The following ABCA9 variants were observed in gnomAD, a reference collection of about 807,000 sequenced individuals.
ABCA9 encodes ATP-binding cassette sub-family A member 9.
In ABCA9, 183 loss-of-function variants were observed where a neutral mutation model predicts 205.3. The observed-to-expected ratio is 0.89, with a 90% CI of 0.79 to 1.01. The LOEUF (loss-of-function observed/expected upper bound fraction) is 1.01, where lower values mean the gene tolerates loss of function less well. Among genes scored for constraint, ABCA9 ranks in the 50% least tolerant of loss-of-function variants. The probability of loss-of-function intolerance (pLI) is 0.00; values close to 1 mark genes in which losing one functional copy is unlikely to be tolerated. For missense variants in ABCA9, 1,805 were observed against 1,912.4 expected, an observed-to-expected ratio of 0.94 and a Z score of 1.05; for synonymous variants, 651 against 683.3, an observed-to-expected ratio of 0.95 and a Z score of 0.74.
chr17:68,984,276 G>A lies in ABCA9; in HGVS notation c.4380-101C>T, dbSNP rs532463754. 12 of 1,513,938 alleles carry A rather than the reference G, an allele frequency of 7.9e-6. 1 individual carries two copies. The East Asian group carries it at 9.0e-5, about 11-fold the overall frequency. The allele number at this position is 1,513,938 out of a possible 1,614,324, so 93.8% of individuals were successfully genotyped here. ...TCGACGCAAAGATGAAACATGCAGC[G>A]AATTCAGACTAGACAAAAAAGGGGT... On this transcript the variant is annotated intron_variant, in intron 34 of 38. Transcript: ENST00000340001.
In ABCA9 at chr17:69,008,118, C is replaced by T. The variant is rs1163228381; in HGVS notation, c.3265G>A (p.Asp1089Asn). 1 of 1,612,964 alleles carries T rather than the reference C, an allele frequency of 6.2e-7. No homozygotes were observed. The highest frequency in any genetic ancestry group is 1.7e-5 in the Admixed American group (1 of 60,010). ...FLILLLMQIM[D>N]YIFSPEEIIF... is the part of the protein sequence containing the mutation. ...ATCTCCTCTGGGCTAAAAATATAAT[C>T]CATTATTTGCATTAGCAGGAGGATC... The change falls in exon 24 of 39, where the codon GAT becomes AAT. Residue 1089 changes from aspartate to asparagine, a missense_variant. Physicochemically the swap from Asp to Asn is conservative, Grantham distance 23 (BLOSUM62 1). Transcript: ENST00000340001.
In ABCA9 at chr17:69,051,137, T is replaced by C; in HGVS notation, c.-11A>G. On this transcript the variant is annotated splice_region_variant and 5_prime_UTR_variant, in exon 2 of 39. Transcript: ENST00000340001. Reference sequence around the variant, plus strand: ...GCGTCTCTTGCTCATTTTGACCTGTTTCCTTTAAAAAGACAGAAAAAAAAT... The same window carrying C: ...GCGTCTCTTGCTCATTTTGACCTGTCTCCTTTAAAAAGACAGAAAAAAAAT... 1 of 1,612,886 alleles carries C rather than the reference T, an allele frequency of 6.2e-7. No individual in the cohort carries two copies. The highest frequency in any genetic ancestry group is 8.5e-7 in the Non-Finnish European group (1 of 1,179,446).
chr17:68,993,290 A>G (rs1349609073), intron 26 of ABCA9, among the ~76,000 whole-genome samples: 1 of 152,184 alleles, frequency 6.6e-6, no homozygotes. Flanking sequence ...ATGCCTTTGT[A>G]TGTAACACTG....
chr17:69,001,852 G>A (rs1360211617), intron 25 of ABCA9, among the ~76,000 whole-genome samples: 2 of 152,034 alleles, frequency 1.3e-5, no homozygotes, highest in Non-Finnish European at 2.9e-5. Flanking sequence ...TTGGGAGAGT[G>A]TATGTGTCAA....
At chr17:69,061,518 A>T (rs1280791516), upstream of ABCA9, among the ~76,000 whole-genome samples, 1 of 152,178 alleles carries the variant, frequency 6.6e-6, no homozygotes, top group Non-Finnish European at 1.5e-5. Flanking sequence ...CATTGTGTGC[A>T]TACTAATTGT....
In ABCA9 at chr17:68,986,369, G is replaced by A. The variant is rs368253334; in HGVS notation, c.4048-45C>T. ...TCTTAGATTCTATCCCAAATGTCAC[G>A]TATATGTATATGCATGTAAGCCGTA... is the stretch of plus-strand genomic sequence containing the variant. On this transcript the variant is annotated intron_variant, in intron 31 of 38. Coordinates refer to ENST00000340001, the MANE Select transcript of ABCA9 (RefSeq NM_080283.4). 86 of 1,547,136 alleles carry A rather than the reference G, an allele frequency of 5.6e-5. 1 individual carries two copies. The highest frequency in any genetic ancestry group is 5.5e-5 in the Admixed American group (3 of 54,470).
intron 29 of ABCA9, among the ~76,000 whole-genome samples, chr17:68,990,262 G>A (rs1443998315): frequency 6.6e-6 from 1 of 152,144 alleles, no homozygotes; most frequent in African/African-American, 2.4e-5. Flanking sequence ...CTTGCAGTAA[G>A]CTTCACTTTG....
chr17:68,977,755 A>C (rs572189970), intron 37 of ABCA9, among the ~76,000 whole-genome samples: 46 of 152,376 alleles, frequency 3.0e-4, no homozygotes, highest in African/African-American at 1.1e-3. Flanking sequence ...AACAGTGTCC[A>C]AGAACATTTG....
At chr17:69,012,343 T>G (rs2070410377) in intron 22 of ABCA9, 1 of 339,728 alleles carries the variant, frequency 2.9e-6, no homozygotes, top group Non-Finnish European at 5.3e-6. Flanking sequence ...ATACAGTTAA[T>G]AACTTGTAAG....
At chr17:69,021,158 A>G (rs1306259007) in intron 18 of ABCA9, among the ~76,000 whole-genome samples, 1 of 152,124 alleles carries the variant, frequency 6.6e-6, no homozygotes, top group African/African-American at 2.4e-5. Context: ...TCAAAAATGA[A>G]TAAGAGAGGA....
Position 69,016,119 on chromosome 17 carries a change from T to TACAC in ABCA9, c.3039+133_3039+134insGTGT, listed in dbSNP as rs1485760537. 1.3e-3 allele frequency: 291 copies of TACAC among 230,812 alleles called. 1 individual carries two copies. The highest frequency in any genetic ancestry group is 6.5e-3 in the African/African-American group (258 of 39,732). 14.3% of individuals were successfully genotyped at this position (230,812 alleles called of 1,614,324 possible). A position where few individuals can be genotyped will look rare whatever the true frequency, so the allele number is the denominator to read the frequency against. On this transcript the variant is annotated intron_variant, in intron 22 of 38. Transcript: ENST00000340001. ...GTGTGTGTGTATATATATATATATA[T>TACAC]ATATACACACACACACACACACACA...
At position 69,035,673 on chromosome 17, in the gene ABCA9, T is replaced by C; in HGVS notation, c.929A>G (p.Tyr310Cys). The change falls in exon 7 of 39, where the codon TAT becomes TGT. Residue 310 changes from tyrosine to cysteine, a missense_variant. Physicochemically the swap from Tyr to Cys is radical, Grantham distance 194. Transcript: ENST00000340001. Reference sequence around the variant, plus strand: ...TAACCAACTCACCAAAGACAGGCCATAGAGGAGAAAGAGGGTGAAGACCAT... The same window carrying C: ...TAACCAACTCACCAAAGACAGGCCACAGAGGAGAAAGAGGGTGAAGACCAT... The part of the protein sequence containing the change: ...FVMVFTLFLL[Y>C]GLSLITLAFL... The C allele has an allele frequency of 1.9e-6, 3 of 1,613,146 alleles. No homozygotes were observed. The highest frequency in any genetic ancestry group is 1.7e-4 in the Middle Eastern group (1 of 6,058).
At chr17:69,073,836 A>G in the ABCA9 span, among the ~76,000 whole-genome samples, 2 of 152,058 alleles carry the variant, frequency 1.3e-5, no homozygotes, top group Admixed American at 1.3e-4. Flanking sequence ...AGCTTGGACC[A>G]CAAGCACATA....
chr17:69,049,276 A>T lies in ABCA9; in HGVS notation c.304+7T>A. On this transcript the variant is annotated splice_region_variant and intron_variant, in intron 3 of 38. Transcript: ENST00000340001. Reference sequence around the variant, plus strand: ...AGGAAATTACTATGAACAACCAGGGAACATACCTTTTAGGAATGGGGCTGA... The same window carrying T: ...AGGAAATTACTATGAACAACCAGGGTACATACCTTTTAGGAATGGGGCTGA... The T allele has an allele frequency of 6.2e-7, 1 of 1,603,794 alleles. No individual in the cohort carries two copies. Among genetic ancestry groups the T allele is most frequent in the Middle Eastern group, 1.7e-4 (1 of 6,028 alleles).
intron 37 of ABCA9, among the ~76,000 whole-genome samples, chr17:68,978,899 C>T (rs1206610090): frequency 6.6e-6 from 1 of 152,058 alleles, no homozygotes; most frequent in African/African-American, 2.4e-5. Context: ...CCCTCTCTCA[C>T]CACTCCTATT....
intron 12 of ABCA9, 77 bp downstream of exon 12, chr17:69,028,457 GC>G: frequency 9.9e-7 from 1 of 1,012,274 alleles, no homozygotes; most frequent in Non-Finnish European, 1.4e-6. Flanking sequence ...GAGCCACCGT[GC>G]CCAGCCCCAG....
At chr17:69,044,074 C>A (rs1598407351) in intron 5 of ABCA9, among the ~76,000 whole-genome samples, 1 of 152,110 alleles carries the variant, frequency 6.6e-6, no homozygotes, top group African/African-American at 2.4e-5. Flanking sequence ...GGTCTGTAAT[C>A]CCAGCTACTT....
At chr17:69,002,895 C>A (rs1389205508) in intron 25 of ABCA9, among the ~76,000 whole-genome samples, 13 of 142,880 alleles carry the variant, frequency 9.1e-5, no homozygotes, top group African/African-American at 3.5e-4. Context: ...CTCTTTTGAT[C>A]TTTGTTGGTT....
the ABCA9 span, among the ~76,000 whole-genome samples, chr17:69,072,007 T>A: frequency 1.3e-4 from 19 of 151,918 alleles, no homozygotes; most frequent in African/African-American, 4.6e-4. Flanking sequence ...AGATTGGAGA[T>A]CATCTTAATG....
Sources: allele counts gnomAD v4.1 joint callset (sites outside exome capture counted in the v4.1 genomes callset), GRCh38; gene constraint gnomAD v4.1.1; transcripts MANE v1.5; gene names NCBI Gene and HGNC (gene_info 2026-07-23, HGNC 2026-07-21).